Variants in PKHD1 observed in about 807,000 individuals in gnomAD.
PKHD1 encodes the protein fibrocystin.
In PKHD1, 291 loss-of-function variants were observed where a neutral mutation model predicts 412.0. The observed-to-expected ratio is 0.71, with a 90% CI of 0.64 to 0.78. The LOEUF (loss-of-function observed/expected upper bound fraction) is 0.78, where lower values mean the gene tolerates loss of function less well. Ranked by LOEUF, PKHD1 falls within the 30% of genes least tolerant of loss-of-function variation. The probability of loss-of-function intolerance (pLI) is 0.00; values close to 1 mark genes in which losing one functional copy is unlikely to be tolerated. For missense variants in PKHD1, 4,825 were observed against 4,950.7 expected, an observed-to-expected ratio of 0.97 and a Z score of 0.76; for synonymous variants, 1,777 against 1,821.5, an observed-to-expected ratio of 0.98 and a Z score of 0.62.
chr6:51,950,194 A>T (rs1378547163), intron 36 of PKHD1, among the ~76,000 whole-genome samples: 4 of 143,122 alleles, frequency 2.8e-5, no homozygotes, highest in Middle Eastern at 3.2e-3. Context: ...TACTGCAGTC[A>T]AATGGGCAAT....
intron 52 of PKHD1, among the ~76,000 whole-genome samples, chr6:51,819,497 G>A (rs1369084571): frequency 1.1e-4 from 16 of 151,994 alleles, no homozygotes. Flanking sequence ...TGCCAGTCCA[G>A]GTCCAGGTCT....
chr6:52,062,682 T>C, intron 13 of PKHD1, 22 bp from the exon 14 acceptor site: 3 of 1,613,966 alleles, frequency 1.9e-6, no homozygotes, highest in Non-Finnish European at 2.5e-6. Flanking sequence ...GTAGATCGCA[T>C]AAACATTACA....
chr6:51,655,207 C>T (rs531031422), intron 61 of PKHD1, among the ~76,000 whole-genome samples: 4 of 152,126 alleles, frequency 2.6e-5, no homozygotes, highest in Admixed American at 1.3e-4. Context: ...AACATTCTGC[C>T]GGTCTGGAAA....
intron 46 of PKHD1, 94 bp downstream of exon 46, chr6:51,882,999 C>G: frequency 2.2e-6 from 2 of 890,426 alleles, no homozygotes; most frequent in Non-Finnish European, 3.7e-6. Flanking sequence ...CTAAAGAATG[C>G]TATTAAAATT....
chr6:51,673,461 C>T (rs1471725055), intron 60 of PKHD1, among the ~76,000 whole-genome samples: 1 of 152,190 alleles, frequency 6.6e-6, no homozygotes, highest in Non-Finnish European at 1.5e-5. Flanking sequence ...GTTATGGTGG[C>T]CGACTCACTT....
intron 47 of PKHD1, among the ~76,000 whole-genome samples, chr6:51,869,819 C>A (rs1298647896): frequency 6.6e-6 from 1 of 152,056 alleles, no homozygotes; most frequent in Non-Finnish European, 1.5e-5. Context: ...GTTGATTATT[C>A]ATTTAATTAA....
chr6:51,702,200 A>G (rs1349000176), intron 60 of PKHD1, among the ~76,000 whole-genome samples: 1 of 147,146 alleles, frequency 6.8e-6, no homozygotes, highest in Admixed American at 6.9e-5. Flanking sequence ...TATATATTAT[A>G]CGTATAATAT....
At chr6:51,931,229 C>T (rs572143106) in intron 37 of PKHD1, among the ~76,000 whole-genome samples, 2 of 152,232 alleles carry the variant, frequency 1.3e-5, no homozygotes, top group East Asian at 3.9e-4. Flanking sequence ...TTTACAAAAA[C>T]CTCTCCCAAA....
chr6:52,021,723 A>T (rs1801427932), intron 33 of PKHD1, among the ~76,000 whole-genome samples: 1 of 151,940 alleles, frequency 6.6e-6, no homozygotes, highest in Non-Finnish European at 1.5e-5. Context: ...TTTAACAAAA[A>T]TTTTTTTCTC....
intron 37 of PKHD1, among the ~76,000 whole-genome samples, chr6:51,929,861 G>A (rs1786300373): frequency 6.6e-6 from 1 of 152,090 alleles, no homozygotes; most frequent in African/African-American, 2.4e-5. Flanking sequence ...CCTATATCTT[G>A]TAATTTCTTG....
chr6:51,631,902 G>A (rs1767961789), intron 65 of PKHD1, among the ~76,000 whole-genome samples: 1 of 151,120 alleles, frequency 6.6e-6, no homozygotes, highest in Non-Finnish European at 1.5e-5. Context: ...AAGGAGAAGA[G>A]GAGAGGATGA....
At chr6:52,022,624 A>C (rs1379798577) in intron 33 of PKHD1, among the ~76,000 whole-genome samples, 177 bp downstream of exon 33, 1 of 152,240 alleles carries the variant, frequency 6.6e-6, no homozygotes, top group East Asian at 1.9e-4. Flanking sequence ...AATCATTTTA[A>C]CAGGTGGCCT....
rs1027271537 is a variant in PKHD1, at chr6:52,065,909, T to C, written c.880+67A>G. On this transcript the variant is annotated intron_variant, in intron 12 of 66. Transcript: ENST00000371117. ...GCTTCCTCCTGCATCCCTCATGCCA[T>C]ACAGACATATAATCTCCTAGAGCAT... 2.9e-5 allele frequency: 24 copies of C among 831,034 alleles called. 1 individual carries two copies. The highest frequency in any genetic ancestry group is 4.5e-5 in the Non-Finnish European group (21 of 469,886). The allele number at this position is 831,034 out of a possible 1,614,324, so 51.5% of individuals were successfully genotyped here.
intron 34 of PKHD1, among the ~76,000 whole-genome samples, chr6:52,017,080 T>C (rs971837572): frequency 6.6e-6 from 1 of 152,266 alleles, no homozygotes; most frequent in Non-Finnish European, 1.5e-5. Context: ...AAAAGCCTTC[T>C]GTTTTTCATA....
chr6:51,702,149 T>A (rs62461298), intron 60 of PKHD1, among the ~76,000 whole-genome samples: 1 of 123,504 alleles, frequency 8.1e-6, no homozygotes, highest in Admixed American at 8.2e-5. Context: ...TACATATTAT[T>A]ATATATTATA....
intron 37 of PKHD1, among the ~76,000 whole-genome samples, chr6:51,929,326 G>A (rs1786215515): frequency 6.6e-6 from 1 of 152,168 alleles, no homozygotes; most frequent in Non-Finnish European, 1.5e-5. Flanking sequence ...CTAAAAGAAT[G>A]ACCTAGTAGA....
chr6:51,950,220 A>ATATATATATATATATATATATATAT (rs1554156415), intron 36 of PKHD1, among the ~76,000 whole-genome samples: 3 of 98,304 alleles, frequency 3.1e-5, no homozygotes, highest in African/African-American at 7.6e-5. Flanking sequence ...GAAAAAAAAA[A>ATATATATATATATATATATATATAT]ATATATATAT....
At chr6:51,973,044 G>T (rs977366730) in intron 35 of PKHD1, among the ~76,000 whole-genome samples, 1 of 152,004 alleles carries the variant, frequency 6.6e-6, no homozygotes. Context: ...TATTAATATG[G>T]GAAGAAGCAG....
chr6:51,771,314 A>G (rs1234389577), intron 55 of PKHD1, among the ~76,000 whole-genome samples: 1 of 152,152 alleles, frequency 6.6e-6, no homozygotes, highest in Non-Finnish European at 1.5e-5. Context: ...TTTCTTTTAC[A>G]AGAACAATTA....
Sources: gnomAD v4.1 joint callset for allele counts (sites outside exome capture counted in the v4.1 genomes callset) on GRCh38, gnomAD v4.1.1 for gene constraint, MANE v1.5 for transcripts, NCBI Gene and HGNC (gene_info 2026-07-23, HGNC 2026-07-21) for gene names.